The following PHF24 variants were observed in gnomAD, a reference collection of about 807,000 sequenced individuals.
The protein encoded by PHF24 is Galpha inhibitory interacting protein.
Under a neutral mutation model 42.6 loss-of-function variants are expected in PHF24, and 25 were observed. The ratio of observed to expected loss-of-function variants is 0.59; its 90% confidence interval spans 0.43 to 0.82. PHF24 has a LOEUF of 0.82. Among genes scored for constraint, PHF24 ranks in the 40% least tolerant of loss-of-function variants. The pLI is 0.00. For missense variants in PHF24, 470 were observed against 538.1 expected, an observed-to-expected ratio of 0.87 and a Z score of 1.25; for synonymous variants, 185 against 204.8, an observed-to-expected ratio of 0.90 and a Z score of 0.83.
At chr9:34,788,210 T>C in the PHF24 span, among the ~76,000 whole-genome samples, 2 of 152,198 alleles carry the variant, frequency 1.3e-5, no homozygotes, top group East Asian at 3.9e-4. Flanking sequence ...GCTAATTTTT[T>C]ATTTTTATTT....
the PHF24 span, among the ~76,000 whole-genome samples, chr9:34,769,704 T>C: frequency 6.6e-5 from 10 of 152,246 alleles, no homozygotes; most frequent in South Asian, 2.1e-3. Flanking sequence ...AGTATGGTAC[T>C]TATGCATAAA....
At chr9:34,976,471 G>A (rs2132930286) in intron 4 of PHF24, 64 bp from the exon 5 acceptor site, 1 of 1,541,848 alleles carries the variant, frequency 6.5e-7, no homozygotes, top group East Asian at 2.3e-5. Context: ...GTGCCCTGGA[G>A]GTGATGGAGG....
the PHF24 span, among the ~76,000 whole-genome samples, chr9:34,744,518 G>A: frequency 6.6e-6 from 1 of 152,172 alleles, no homozygotes; most frequent in South Asian, 2.1e-4. Context: ...CCACAGAACA[G>A]TGGTTTTCAA....
At chr9:34,881,356 G>A in the PHF24 span, among the ~76,000 whole-genome samples, 2 of 151,972 alleles carry the variant, frequency 1.3e-5, no homozygotes, top group Admixed American at 6.6e-5. Context: ...AAATAACTAA[G>A]ATCAGAGCAG....
At chr9:34,965,257 C>T (rs1215268309) in intron 1 of PHF24, among the ~76,000 whole-genome samples, 11 of 152,190 alleles carry the variant, frequency 7.2e-5, no homozygotes. Flanking sequence ...AGTTTTGATC[C>T]TCTCCATTAA....
the PHF24 span, among the ~76,000 whole-genome samples, chr9:34,940,401 TA>T: frequency 5.5e-3 from 771 of 139,720 alleles, 4 homozygotes; most frequent in African/African-American, 0.012. Context: ...TTGTTTTCTC[TA>T]AAAAAAAAAA....
At chr9:34,740,763 T>C in the PHF24 span, among the ~76,000 whole-genome samples, 1 of 152,226 alleles carries the variant, frequency 6.6e-6, no homozygotes, top group Non-Finnish European at 1.5e-5. Context: ...ATGAGGCTCA[T>C]TAAATAAATT....
At chr9:34,763,425 T>C in the PHF24 span, among the ~76,000 whole-genome samples, 8 of 152,318 alleles carry the variant, frequency 5.3e-5, no homozygotes, top group Admixed American at 5.2e-4. Context: ...CCCTTGTAAG[T>C]TAGATTCCTA....
At chr9:34,922,813 A>G in the PHF24 span, 5 of 1,592,730 alleles carry the variant, frequency 3.1e-6, no homozygotes, top group South Asian at 4.4e-5. Context: ...TCCTCATTGG[A>G]TAATTAAGCT....
the PHF24 span, among the ~76,000 whole-genome samples, chr9:34,863,399 C>T: frequency 3.4e-5 from 5 of 146,328 alleles, no homozygotes; most frequent in African/African-American, 1.3e-4. Flanking sequence ...TTGTGAGCCA[C>T]CCCCAGCTGG....
the PHF24 span, among the ~76,000 whole-genome samples, chr9:34,801,173 C>T: frequency 1.1e-4 from 17 of 152,248 alleles, no homozygotes; most frequent in East Asian, 3.9e-4. Context: ...CAGATGCTGG[C>T]GAGGCTGTAG....
chr9:34,772,039 T>C, the PHF24 span, among the ~76,000 whole-genome samples: 11 of 152,358 alleles, frequency 7.2e-5, no homozygotes, highest in Admixed American at 5.2e-4. Context: ...ATTTGAAAGC[T>C]GATTCTTAAT....
At chr9:34,963,765 C>T (rs1014591963) in intron 1 of PHF24, among the ~76,000 whole-genome samples, 1 of 152,166 alleles carries the variant, frequency 6.6e-6, no homozygotes, top group African/African-American at 2.4e-5. Flanking sequence ...GTGTTCTCAT[C>T]CCTGCTAGCC....
At chr9:34,700,017 T>G in the PHF24 span, among the ~76,000 whole-genome samples, 2 of 152,008 alleles carry the variant, frequency 1.3e-5, no homozygotes, top group Non-Finnish European at 2.9e-5. Flanking sequence ...GCTGACCTGA[T>G]GAAGGTGAGG....
the PHF24 span, among the ~76,000 whole-genome samples, chr9:34,685,636 T>C: frequency 1.3e-5 from 2 of 152,232 alleles, no homozygotes; most frequent in Admixed American, 6.5e-5. Flanking sequence ...CACTCACCAG[T>C]TGAGTTGACT....
chr9:34,726,832 G>A, the PHF24 span: 5 of 1,551,672 alleles, frequency 3.2e-6, no homozygotes, highest in Non-Finnish European at 3.5e-6. Context: ...CTAGGCAAGA[G>A]GAGCCCTGCA....
chr9:34,680,748 AG>A, the PHF24 span, among the ~76,000 whole-genome samples: 2 of 152,128 alleles, frequency 1.3e-5, no homozygotes, highest in African/African-American at 4.8e-5. Flanking sequence ...CAATACAAGA[AG>A]AGAATAATAA....
the PHF24 span, among the ~76,000 whole-genome samples, chr9:34,781,723 A>G: frequency 4.2e-5 from 6 of 142,860 alleles, no homozygotes; most frequent in South Asian, 2.4e-4. Context: ...GCTGTTAGGG[A>G]AAAAAAAAAA....
the PHF24 span, chr9:34,894,388 A>G: frequency 5.0e-6 from 2 of 398,520 alleles, no homozygotes; most frequent in South Asian, 2.5e-4. Context: ...CAAGCTGAGA[A>G]ATGATCACAG....
Sources: allele counts gnomAD v4.1 joint callset (sites outside exome capture counted in the v4.1 genomes callset), GRCh38; gene constraint gnomAD v4.1.1; transcripts MANE v1.5; gene names NCBI Gene and HGNC (gene_info 2026-07-23, HGNC 2026-07-21).